RCOR1: variants seen among roughly 807,000 people sequenced by gnomAD.
RCOR1 encodes the protein REST corepressor 1, also known as REST corepressor.
RCOR1 carries 12 observed loss-of-function variants against 64.0 expected under a neutral mutation model. That is an observed-to-expected ratio of 0.19 (90% CI 0.12 to 0.30). The LOEUF is 0.30. Ranked by LOEUF, RCOR1 falls within the 10% of genes least tolerant of loss-of-function variation. The pLI is 1.00. For synonymous variants in RCOR1, 279 were observed against 227.2 expected (o/e 1.23, Z -2.05); for missense variants, 502 against 621.2 (o/e 0.81, Z 2.04).
intron 2 of RCOR1, among the ~76,000 whole-genome samples, chr14:102,678,356 G>C (rs1323667455): frequency 6.6e-6 from 1 of 152,156 alleles, no homozygotes; most frequent in African/African-American, 2.4e-5. Context: ...CTGGAGTGCA[G>C]TGGCGCGATC....
At chr14:102,647,089 AAT>A (rs1894490049) in intron 2 of RCOR1, among the ~76,000 whole-genome samples, 1 of 152,210 alleles carries the variant, frequency 6.6e-6, no homozygotes, top group South Asian at 2.1e-4. Flanking sequence ...GAAAATCACA[AAT>A]CTCCACATTG....
intron 3 of RCOR1, among the ~76,000 whole-genome samples, chr14:102,696,046 G>C (rs993562667): frequency 2.6e-5 from 4 of 151,946 alleles, no homozygotes; most frequent in Non-Finnish European, 4.4e-5. Flanking sequence ...TGTTGTTTCT[G>C]CTTGTCAGTA....
chr14:102,632,644 C>CT (rs1491233939), intron 2 of RCOR1, among the ~76,000 whole-genome samples: 2 of 62,902 alleles, frequency 3.2e-5, no homozygotes, highest in African/African-American at 9.6e-5. Context: ...CTTTCCTTTC[C>CT]TTTCCTTTCC....
chr14:102,645,373 C>A (rs368445989), intron 2 of RCOR1, among the ~76,000 whole-genome samples: 31 of 152,258 alleles, frequency 2.0e-4, no homozygotes, highest in East Asian at 1.9e-3. Flanking sequence ...AAAATTCTGC[C>A]TGGAAATATC....
intron 10 of RCOR1, 36 bp downstream of exon 10, chr14:102,721,413 G>C (rs374925891): frequency 6.7e-7 from 1 of 1,501,496 alleles, no homozygotes; most frequent in African/African-American, 1.4e-5. Context: ...TTAGGAGGCC[G>C]GCTGTGGTGG....
chr14:102,645,217 T>A (rs1894456533), intron 2 of RCOR1, among the ~76,000 whole-genome samples: 1 of 152,166 alleles, frequency 6.6e-6, no homozygotes. Flanking sequence ...ATGGAGAGGA[T>A]CTTAAAATCC....
chr14:102,665,606 T>C (rs1894903319), intron 2 of RCOR1, among the ~76,000 whole-genome samples: 2 of 152,150 alleles, frequency 1.3e-5, no homozygotes, highest in Admixed American at 1.3e-4. Flanking sequence ...TCCATTTTTC[T>C]TTAGGGTTAG....
chr14:102,705,178 A>ATAAGCTCCT (rs1314926712), intron 4 of RCOR1, among the ~76,000 whole-genome samples: 1 of 152,046 alleles, frequency 6.6e-6, no homozygotes, highest in Non-Finnish European at 1.5e-5. Flanking sequence ...CCAATATGGG[A>ATAAGCTCCT]TAAGCTCCTT....
intron 2 of RCOR1, among the ~76,000 whole-genome samples, chr14:102,602,385 TTTTCTTTTC>T (rs1350266141): frequency 5.7e-5 from 7 of 122,370 alleles, no homozygotes; most frequent in African/African-American, 2.2e-4. Context: ...TTTTCTTTTC[TTTTCTTTTC>T]TTTTTTTTTT....
chr14:102,607,581 T>C (rs977308358), intron 2 of RCOR1, among the ~76,000 whole-genome samples: 10 of 152,030 alleles, frequency 6.6e-5, no homozygotes, highest in Non-Finnish European at 1.3e-4. Flanking sequence ...AACCTGTCTC[T>C]ACTAAAAATA....
intron 2 of RCOR1, among the ~76,000 whole-genome samples, chr14:102,632,621 T>A (rs1287234267): frequency 6.0e-5 from 2 of 33,214 alleles, no homozygotes; most frequent in South Asian, 1.1e-3. Context: ...ATCCTTTCCT[T>A]TCCTTTCCTT....
chr14:102,622,548 G>A (rs1188510784), intron 2 of RCOR1, among the ~76,000 whole-genome samples: 1 of 151,966 alleles, frequency 6.6e-6, no homozygotes, highest in African/African-American at 2.4e-5. Context: ...TTTTCACCTT[G>A]ATCTTCTTGG....
At chr14:102,626,277 C>G (rs189660818) in intron 2 of RCOR1, among the ~76,000 whole-genome samples, 62 of 152,286 alleles carry the variant, frequency 4.1e-4, no homozygotes, top group Non-Finnish European at 7.8e-4. Context: ...TACTCTCATT[C>G]CCCGGAAAAT....
At chr14:102,624,190 C>T (rs567224736) in intron 2 of RCOR1, among the ~76,000 whole-genome samples, 16 of 142,418 alleles carry the variant, frequency 1.1e-4, no homozygotes, top group East Asian at 2.2e-4. Context: ...AGGGAGACTC[C>T]GTCTCACATA....
chr14:102,686,920 A>G (rs1895433762), intron 3 of RCOR1, among the ~76,000 whole-genome samples: 1 of 152,124 alleles, frequency 6.6e-6, no homozygotes, highest in Non-Finnish European at 1.5e-5. Flanking sequence ...AACTGAAATT[A>G]TTGGATTATA....
intron 2 of RCOR1, among the ~76,000 whole-genome samples, chr14:102,624,225 T>C (rs943637402): frequency 6.6e-6 from 1 of 151,148 alleles, no homozygotes; most frequent in African/African-American, 2.4e-5. Flanking sequence ...AAAATAAGGC[T>C]GTGCATGGTG....
At chr14:102,606,133 G>C (rs985269304) in intron 2 of RCOR1, among the ~76,000 whole-genome samples, 7 of 152,016 alleles carry the variant, frequency 4.6e-5, no homozygotes, top group Non-Finnish European at 8.8e-5. Context: ...ATCATATTGG[G>C]CAGGCTGGCC....
At chr14:102,712,943 CATT>C (rs1186871281) in intron 7 of RCOR1, among the ~76,000 whole-genome samples, 3 of 130,444 alleles carry the variant, frequency 2.3e-5, no homozygotes, top group African/African-American at 8.6e-5. Flanking sequence ...ATGGCTAAAT[CATT>C]GTTTTTTTTT....
At chr14:102,621,221 CT>C (rs1893864237) in intron 2 of RCOR1, among the ~76,000 whole-genome samples, 2 of 150,770 alleles carry the variant, frequency 1.3e-5, no homozygotes, top group African/African-American at 4.8e-5. Flanking sequence ...ATCCTCTCAC[CT>C]TGGCCTCCCA....
Sources: allele counts gnomAD v4.1 joint callset (sites outside exome capture counted in the v4.1 genomes callset), GRCh38; gene constraint gnomAD v4.1.1; transcripts MANE v1.5; gene names NCBI Gene and HGNC (gene_info 2026-07-23, HGNC 2026-07-21).